Variants in CELF2 observed in about 807,000 individuals in gnomAD.
The protein encoded by CELF2 is CUGBP Elav-like family member 2, also known as CUG triplet repeat RNA-binding protein 2.
Under a neutral mutation model 62.6 loss-of-function variants are expected in CELF2, and 8 were observed. The ratio of observed to expected loss-of-function variants is 0.13; its 90% CI spans 0.07 to 0.23. The LOEUF is 0.23. Among genes scored for constraint, CELF2 ranks in the 10% least tolerant of loss-of-function variants. The probability of loss-of-function intolerance (pLI) is 1.00; values close to 1 mark genes in which losing one functional copy is unlikely to be tolerated. For synonymous variants in CELF2, 258 were observed against 250.0 expected (o/e 1.03, Z -0.30); for missense variants, 333 against 671.0 (o/e 0.50, Z 5.56).
At position 10,856,948 on chromosome 10, in the gene CELF2, GAC is replaced by G. The variant is rs368713101; in HGVS notation, c.53+58133_53+58134del. Among the ~76,000 whole-genome samples, 74 of 152,226 alleles carry G rather than the reference GAC, an allele frequency of 4.9e-4. No homozygotes were observed. The East Asian group carries it at 0.01, about 21-fold the overall frequency. The stretch of plus-strand genomic sequence containing the variant: ...AAAATACATGAAACAAGTTTGTTGG[GAC>G]ATTGGACAACAAGGAAGCGTAGAAT... On this transcript the variant is annotated intron_variant, in intron 1 of 13. Coordinates refer to the CELF2 transcript ENST00000636488.
At chr10:11,059,652 CT>C (rs2066224354) in intron 1 of CELF2, among the ~76,000 whole-genome samples, 2 of 152,118 alleles carry the variant, frequency 1.3e-5, no homozygotes, top group South Asian at 4.2e-4. Flanking sequence ...AGCCCATAGC[CT>C]TGCAGACTCC....
intron 8 of CELF2, among the ~76,000 whole-genome samples, chr10:11,286,797 C>T (rs1289234960): frequency 6.6e-6 from 1 of 152,196 alleles, no homozygotes; most frequent in African/African-American, 2.4e-5. Context: ...TTACACAATA[C>T]TTCTGTCCCA....
chr10:10,985,876 A>G (rs2052689536), intron 2 of CELF2, among the ~76,000 whole-genome samples: 1 of 152,196 alleles, frequency 6.6e-6, no homozygotes, highest in South Asian at 2.1e-4. Flanking sequence ...GCTGACAGGC[A>G]TTGGAGTCAC....
At chr10:10,663,430 C>G in the CELF2 span, among the ~76,000 whole-genome samples, 1 of 152,172 alleles carries the variant, frequency 6.6e-6, no homozygotes. Flanking sequence ...GAACTCTTAA[C>G]TCTTTAAATT....
At chr10:10,531,850 T>C in the CELF2 span, among the ~76,000 whole-genome samples, 3 of 152,254 alleles carry the variant, frequency 2.0e-5, no homozygotes, top group African/African-American at 7.2e-5. Context: ...GTCAGCACTC[T>C]GTGGTCCCAC....
At chr10:11,283,968 T>G (rs1257155452) in intron 8 of CELF2, among the ~76,000 whole-genome samples, 81 of 23,920 alleles carry the variant, frequency 3.4e-3, no homozygotes, top group African/African-American at 0.011. Context: ...GTGTGGTGGG[T>G]GGATGACGGA....
At chr10:10,736,355 C>A in the CELF2 span, among the ~76,000 whole-genome samples, 1 of 108,378 alleles carries the variant, frequency 9.2e-6, no homozygotes. Context: ...AAACTGATTT[C>A]TATTCTTTCT....
intron 1 of CELF2, among the ~76,000 whole-genome samples, chr10:10,833,013 C>CTGTGTGTGTGTGTGTG (rs71378768): frequency 1.7e-3 from 240 of 144,608 alleles, no homozygotes; most frequent in South Asian, 7.2e-3. Context: ...ACAGAAAACT[C>CTGTGTGTGTGTGTGTG]TGTGTGTGTG....
At chr10:10,890,103 A>G (rs1397948303) in intron 1 of CELF2, among the ~76,000 whole-genome samples, 2 of 152,204 alleles carry the variant, frequency 1.3e-5, no homozygotes, top group African/African-American at 4.8e-5. Context: ...AGTGGCATGT[A>G]GATATGATGA....
chr10:10,857,081 A>G (rs1018958835), intron 1 of CELF2, among the ~76,000 whole-genome samples: 2 of 152,096 alleles, frequency 1.3e-5, no homozygotes, highest in African/African-American at 4.8e-5. Context: ...CAAGCAGAGA[A>G]CAATAGTTTG....
rs538304054 is a variant in CELF2 at position 11,210,335 on chromosome 10, C to T, written c.272-7090C>T. ...GTAAGATGTCGAATGGCCTTGAAGA[C>T]GTGGACAGGCCCGTCTTGACCCTGG... On this transcript the variant is annotated intron_variant, in intron 2 of 12. Coordinates refer to ENST00000633077, the MANE Select transcript of CELF2 (RefSeq NM_001326342.2). 1.1e-4 allele frequency among the ~76,000 whole-genome samples: 17 copies of T among 152,296 alleles called. No homozygotes were observed. In the South Asian group the frequency reaches 1.7e-3, roughly 15 times the overall value.
chr10:11,021,760 T>TG (rs757920808), intron 1 of CELF2, among the ~76,000 whole-genome samples: 1 of 152,166 alleles, frequency 6.6e-6, no homozygotes, highest in Non-Finnish European at 1.5e-5. Flanking sequence ...TGGGGTGGCA[T>TG]GTAATGTTCA....
chr10:11,249,345 G>A, intron 4 of CELF2, 144 bp downstream of exon 4: 2 of 669,982 alleles, frequency 3.0e-6, no homozygotes, highest in Non-Finnish European at 5.4e-6. Flanking sequence ...TCTGTGGCCT[G>A]TGTGTCTGGA....
chr10:11,214,774 TAACTGA>T lies in CELF2; in HGVS notation c.272-2647_272-2642del, dbSNP rs2062863292. On this transcript the variant is annotated intron_variant, in intron 2 of 12. Transcript: ENST00000633077. This position sits in a 1 kb window ranked among gnomAD's most constrained non-coding sequence, Gnocchi z 4.2. ...ACCTGTTTAGATGAGTGTACACTTT[TAACTGA>T]AACACTTAAGAACTATGCATAGTTG... 6.6e-6 allele frequency among the ~76,000 whole-genome samples: 1 copy of T among 152,248 alleles called. No homozygotes were observed. The highest frequency in any genetic ancestry group is 2.4e-5 in the African/African-American group (1 of 41,462).
chr10:11,042,122 A>C (rs1348075169), intron 1 of CELF2, among the ~76,000 whole-genome samples: 1 of 152,222 alleles, frequency 6.6e-6, no homozygotes, highest in Non-Finnish European at 1.5e-5. Context: ...CACTGTGTTG[A>C]TTTGTCAGAA....
chr10:10,754,060 G>GGGTT, the CELF2 span, among the ~76,000 whole-genome samples: 2 of 44,692 alleles, frequency 4.5e-5, no homozygotes, highest in African/African-American at 2.6e-4. Context: ...ATGCTGAGGT[G>GGGTT]GTTTTTTTTT....
chr10:10,847,912 CTA>C (rs1263107884), intron 1 of CELF2, among the ~76,000 whole-genome samples: 1 of 152,204 alleles, frequency 6.6e-6, no homozygotes, highest in Non-Finnish European at 1.5e-5. Context: ...ATTTAAATGA[CTA>C]TATCCAAGTA....
the CELF2 span, among the ~76,000 whole-genome samples, chr10:10,500,989 C>T: frequency 2.0e-5 from 3 of 152,136 alleles, no homozygotes; most frequent in Non-Finnish European, 4.4e-5. Flanking sequence ...TTCCATGGTA[C>T]GGATGTGCCA....
chr10:10,487,548 C>G, the CELF2 span, among the ~76,000 whole-genome samples: 8 of 152,126 alleles, frequency 5.3e-5, no homozygotes, highest in Non-Finnish European at 1.2e-4. Context: ...TCCATGACCC[C>G]ATCCTTCCAT....
Sources: gnomAD v4.1 joint callset for allele counts (sites outside exome capture counted in the v4.1 genomes callset) on GRCh38, gnomAD v4.1.1 for gene constraint, Gnocchi (gnomAD v3.1) non-coding constraint, MANE v1.5 for transcripts, NCBI Gene and HGNC (gene_info 2026-07-23, HGNC 2026-07-21) for gene names.